Variants in ACBD6 observed in about 807,000 individuals in gnomAD.
ACBD6 encodes acyl-CoA binding domain containing 6.
Under a neutral mutation model 37.2 loss-of-function variants are expected in ACBD6, and 28 were observed. That is an observed-to-expected ratio of 0.75 (90% CI 0.56 to 1.03). The LOEUF is 1.03. Ranked by LOEUF, ACBD6 falls within the 50% of genes least tolerant of loss-of-function variation. The pLI is 0.00. For missense variants in ACBD6, 340 were observed against 337.4 expected (o/e 1.01, Z -0.06); for synonymous variants, 113 against 126.8 (o/e 0.89, Z 0.73).
intron 6 of ACBD6, among the ~76,000 whole-genome samples, chr1:180,331,476 T>C (rs1165042122): frequency 6.6e-6 from 1 of 152,222 alleles, no homozygotes; most frequent in Admixed American, 6.5e-5. Flanking sequence ...TGAAATACTT[T>C]GGGGATATCA....
rs145155235 is a variant in ACBD6, at chr1:180,366,798, T to C, written c.663+30718A>G. The stretch of plus-strand genomic sequence containing the variant: ...TATATGAATTTCATTATATATAATA[T>C]AGAAGATATGAGGAACTTATTACTA... On this transcript the variant is annotated intron_variant, in intron 6 of 7. Transcript: ENST00000367595. Among the ~76,000 whole-genome samples, 662 of 152,310 alleles carry C rather than the reference T, an allele frequency of 4.3e-3. 1 individual carries two copies. Among genetic ancestry groups the C allele is most frequent in the Non-Finnish European group, 7.6e-3 (519 of 68,036 alleles).
intron 6 of ACBD6, among the ~76,000 whole-genome samples, chr1:180,323,490 A>T (rs1651151901): frequency 6.6e-6 from 1 of 152,100 alleles, no homozygotes; most frequent in African/African-American, 2.4e-5. Flanking sequence ...CAATGCTGAC[A>T]GTGGTATGTT....
chr1:180,361,469 T>C (rs1652850602), intron 6 of ACBD6, among the ~76,000 whole-genome samples: 2 of 64,674 alleles, frequency 3.1e-5, no homozygotes, highest in South Asian at 8.0e-4. Flanking sequence ...ACAAATTTTA[T>C]AGACACTTTT....
chr1:180,416,347 G>T (rs1440704872), intron 4 of ACBD6, among the ~76,000 whole-genome samples: 1 of 151,922 alleles, frequency 6.6e-6, no homozygotes, highest in Admixed American at 6.6e-5. Flanking sequence ...AGTCAATCTT[G>T]CCCACTATAT....
chr1:180,463,915 T>G (rs1044037052), intron 3 of ACBD6, among the ~76,000 whole-genome samples: 1 of 152,190 alleles, frequency 6.6e-6, no homozygotes, highest in Non-Finnish European at 1.5e-5. Context: ...CGCAAATCAA[T>G]AAATGTGATT....
intron 7 of ACBD6, among the ~76,000 whole-genome samples, chr1:180,311,339 T>C (rs1650584318): frequency 6.6e-6 from 1 of 152,244 alleles, no homozygotes; most frequent in Admixed American, 6.5e-5. Context: ...TCCAAAAGTT[T>C]TGTGTCTTTT....
intron 5 of ACBD6, among the ~76,000 whole-genome samples, chr1:180,410,942 C>A (rs1432618722): frequency 6.6e-6 from 1 of 152,126 alleles, no homozygotes; most frequent in Non-Finnish European, 1.5e-5. Context: ...ATTCCAGATG[C>A]CATTAAGAAC....
chr1:180,362,335 G>T (rs1364622081), intron 6 of ACBD6, among the ~76,000 whole-genome samples: 2 of 152,178 alleles, frequency 1.3e-5, no homozygotes, highest in Admixed American at 6.5e-5. Context: ...GAAATCCTCA[G>T]GCTGCTAGTG....
intron 3 of ACBD6, among the ~76,000 whole-genome samples, chr1:180,462,408 TAGAAAAC>T (rs1221854498): frequency 6.6e-6 from 1 of 151,864 alleles, no homozygotes; most frequent in African/African-American, 2.4e-5. Context: ...ACCAGGCAAA[TAGAAAAC>T]AGAAAAGAAA....
chr1:180,492,258 T>C lies in ACBD6; in HGVS notation c.384+11A>G. 5.6e-6 allele frequency: 9 copies of C among 1,595,720 alleles called. No homozygotes were observed. The highest frequency in any genetic ancestry group is 7.7e-6 in the Non-Finnish European group (9 of 1,163,306). On this transcript the variant is annotated intron_variant, in intron 3 of 7. Transcript: ENST00000367595. Reference sequence around the variant, plus strand: ...TTTTGGAAAGTATTATTTATAATCATTAAGTCTTACCTGAGGATTCCAACC... The same window carrying C: ...TTTTGGAAAGTATTATTTATAATCACTAAGTCTTACCTGAGGATTCCAACC...
rs182015331 is a variant in ACBD6, at chr1:180,464,497, C to T, written c.384+27772G>A. On this transcript the variant is annotated intron_variant, in intron 3 of 7. Coordinates refer to ENST00000367595, the MANE Select transcript of ACBD6 (RefSeq NM_032360.4). ...ACAGCTAACCAAGGAGGTGAAAGAT[C>T]TCTACAATGAGAATTACAAAACACT... Among the ~76,000 whole-genome samples, 25 of 152,144 alleles carry T rather than the reference C, an allele frequency of 1.6e-4. No homozygotes were observed. The East Asian group carries it at 3.5e-3, about 21-fold the overall frequency.
intron 3 of ACBD6, among the ~76,000 whole-genome samples, chr1:180,487,088 G>A (rs572142338): frequency 2.0e-5 from 3 of 151,720 alleles, no homozygotes; most frequent in Non-Finnish European, 4.4e-5. Context: ...TAAATACGAT[G>A]CATGACCCTG....
At chr1:180,329,942 G>A (rs1354991161) in intron 6 of ACBD6, among the ~76,000 whole-genome samples, 1 of 152,056 alleles carries the variant, frequency 6.6e-6, no homozygotes, top group Non-Finnish European at 1.5e-5. Flanking sequence ...TTAATCAATA[G>A]TTACAAGATA....
At chr1:180,370,811 A>G (rs984757716) in intron 6 of ACBD6, among the ~76,000 whole-genome samples, 15 of 152,050 alleles carry the variant, frequency 9.9e-5, no homozygotes, top group African/African-American at 3.1e-4. Flanking sequence ...ATGACCCATT[A>G]AAAAACTCCA....
At chr1:180,388,444 T>A (rs10913978) in intron 6 of ACBD6, among the ~76,000 whole-genome samples, 73,912 of 152,014 alleles carry the variant, frequency 0.49, 20,791 homozygotes, top group South Asian at 0.66. Flanking sequence ...AATAAAGGAG[T>A]ATTTCCCATC....
At chr1:180,274,604 G>GC (rs546149199) in intron 10 of ACBD6, 783 of 1,536,926 alleles carry the variant, frequency 5.1e-4, no homozygotes, top group Non-Finnish European at 6.5e-4. Flanking sequence ...CACCCTACCT[G>GC]CCCCCCTGGC....
At chr1:180,362,926 C>A (rs1375480535) in intron 6 of ACBD6, among the ~76,000 whole-genome samples, 1 of 152,228 alleles carries the variant, frequency 6.6e-6, no homozygotes. Flanking sequence ...TCCCAAATCC[C>A]AACACTCAGG....
intron 3 of ACBD6, among the ~76,000 whole-genome samples, chr1:180,475,172 T>C (rs1379726436): frequency 6.6e-6 from 1 of 152,252 alleles, no homozygotes; most frequent in Non-Finnish European, 1.5e-5. Context: ...AATTGACATA[T>C]AATAACTGTG....
chr1:180,276,516 T>A (rs2764451), intron 9 of ACBD6: 7,963 of 152,314 alleles, frequency 0.052, 251 homozygotes, highest in Non-Finnish European at 0.06. Flanking sequence ...ATGGATGATG[T>A]TGTGTTAATC....
Sources: gnomAD v4.1 joint callset for allele counts (sites outside exome capture counted in the v4.1 genomes callset) on GRCh38, gnomAD v4.1.1 for gene constraint, MANE v1.5 for transcripts, NCBI Gene and HGNC (gene_info 2026-07-23, HGNC 2026-07-21) for gene names.